Variants in SPAG16 observed in about 807,000 individuals in gnomAD.
The protein encoded by SPAG16 is sperm-associated antigen 16 protein.
Under a neutral mutation model 80.4 loss-of-function variants are expected in SPAG16, and 86 were observed. The observed-to-expected ratio is 1.07, with a 90% CI of 0.90 to 1.28. SPAG16 has a LOEUF of 1.28. Among genes scored for constraint, SPAG16 ranks in the 50% most tolerant of loss-of-function variants. The pLI is 0.00. For synonymous variants in SPAG16, 294 were observed against 265.9 expected, an observed-to-expected ratio of 1.11 and a Z score of -1.03; for missense variants, 870 against 765.3, an observed-to-expected ratio of 1.14 and a Z score of -1.61.
intron 12 of SPAG16, among the ~76,000 whole-genome samples, chr2:213,980,708 G>GTATATA (rs796912299): frequency 0.013 from 1,286 of 102,392 alleles, 33 homozygotes; most frequent in Middle Eastern, 0.02. Flanking sequence ...GTGTGTGTGT[G>GTATATA]TGTGTATATA....
intron 3 of SPAG16, among the ~76,000 whole-genome samples, chr2:213,303,361 G>A (rs984259971): frequency 6.6e-6 from 1 of 151,776 alleles, no homozygotes; most frequent in Non-Finnish European, 1.5e-5. Flanking sequence ...CAGGGTAAAT[G>A]GGGTTCTATC....
chr2:214,151,077 C>T (rs2055952265), intron 15 of SPAG16, among the ~76,000 whole-genome samples: 1 of 152,046 alleles, frequency 6.6e-6, no homozygotes, highest in Non-Finnish European at 1.5e-5. Flanking sequence ...TTCAACCTGA[C>T]CTTCCCATCC....
At chr2:213,330,858 A>C (rs573287095) in intron 5 of SPAG16, among the ~76,000 whole-genome samples, 1 of 152,172 alleles carries the variant, frequency 6.6e-6, no homozygotes, top group Non-Finnish European at 1.5e-5. Context: ...TGTGACAGCA[A>C]ATAATCCTCA....
chr2:214,317,812 C>T (rs759019300), intron 15 of SPAG16, among the ~76,000 whole-genome samples: 1 of 152,158 alleles, frequency 6.6e-6, no homozygotes, highest in South Asian at 2.1e-4. Flanking sequence ...TTCCAGTCAC[C>T]TTCCCCAGTA....
chr2:213,480,614 G>A (rs181341600), intron 9 of SPAG16, among the ~76,000 whole-genome samples: 1 of 152,186 alleles, frequency 6.6e-6, no homozygotes, highest in Non-Finnish European at 1.5e-5. Context: ...GTAAAGCATT[G>A]TCTAGCACTA....
At chr2:213,573,876 G>A (rs565348152) in intron 10 of SPAG16, among the ~76,000 whole-genome samples, 1 of 152,168 alleles carries the variant, frequency 6.6e-6, no homozygotes, top group South Asian at 2.1e-4. Flanking sequence ...TAAAGTTTAG[G>A]GCAACCTAAA....
chr2:214,053,968 A>G (rs1198553492), intron 13 of SPAG16, among the ~76,000 whole-genome samples: 2 of 152,212 alleles, frequency 1.3e-5, no homozygotes, highest in Non-Finnish European at 1.5e-5. Context: ...TAATAGGACA[A>G]TGAAATAACT....
chr2:213,630,073 C>G (rs2062090254), intron 10 of SPAG16, among the ~76,000 whole-genome samples: 1 of 152,158 alleles, frequency 6.6e-6, no homozygotes, highest in African/African-American at 2.4e-5. Flanking sequence ...ATTAAATTCC[C>G]TCTATTTTGG....
chr2:213,852,252 G>T (rs962998444), intron 10 of SPAG16, among the ~76,000 whole-genome samples: 1 of 151,994 alleles, frequency 6.6e-6, no homozygotes, highest in African/African-American at 2.4e-5. Context: ...AATAGATCTG[G>T]GTTGCTACTG....
At chr2:214,310,847 C>CCAAA (rs896063107) in intron 15 of SPAG16, among the ~76,000 whole-genome samples, 4 of 152,162 alleles carry the variant, frequency 2.6e-5, no homozygotes, top group African/African-American at 9.7e-5. Flanking sequence ...TCCCCCAACA[C>CCAAA]CAAACAGATG....
chr2:213,900,095 G>A (rs974769839), intron 11 of SPAG16, among the ~76,000 whole-genome samples: 3 of 152,080 alleles, frequency 2.0e-5, no homozygotes, highest in African/African-American at 7.2e-5. Context: ...CCTTAGACTT[G>A]AACTCAGCAT....
intron 10 of SPAG16, among the ~76,000 whole-genome samples, chr2:213,775,810 A>G (rs905200613): frequency 6.6e-6 from 1 of 152,172 alleles, no homozygotes; most frequent in Non-Finnish European, 1.5e-5. Flanking sequence ...ATTATCCTTT[A>G]CCTTAGATTT....
chr2:213,478,683 T>C (rs1337607749), intron 9 of SPAG16, among the ~76,000 whole-genome samples: 1 of 152,174 alleles, frequency 6.6e-6, no homozygotes, highest in East Asian at 1.9e-4. Flanking sequence ...ATTAATACAT[T>C]AATACATTAA....
At chr2:214,126,854 T>C (rs1285162889) in intron 14 of SPAG16, among the ~76,000 whole-genome samples, 2 of 151,854 alleles carry the variant, frequency 1.3e-5, no homozygotes, top group Admixed American at 1.3e-4. Context: ...GTTTTATTTC[T>C]CTATGGTGTA....
intron 11 of SPAG16, among the ~76,000 whole-genome samples, chr2:213,865,045 A>T (rs2075632375): frequency 6.6e-6 from 1 of 152,118 alleles, no homozygotes; most frequent in Non-Finnish European, 1.5e-5. Flanking sequence ...AATAATCAGA[A>T]TCAAAGACTT....
Position 213,370,310 on chromosome 2 carries a change from T to A in SPAG16, c.833-4700T>A, listed in dbSNP as rs551193095. 2.0e-5 allele frequency among the ~76,000 whole-genome samples: 3 copies of A among 152,340 alleles called. No homozygotes were observed. The East Asian group carries it at 5.8e-4, about 29-fold the overall frequency. ...AAAACATTTATATGGTACAAATGTA[T>A]GCCTGTTGAATATATGCAAAGAAAA... On this transcript the variant is annotated intron_variant, in intron 8 of 15. Transcript: ENST00000331683.
intron 10 of SPAG16, among the ~76,000 whole-genome samples, chr2:213,623,426 A>T (rs1371652580): frequency 6.6e-6 from 1 of 152,130 alleles, no homozygotes; most frequent in Non-Finnish European, 1.5e-5. Flanking sequence ...AATATTCATT[A>T]GTATCCACCT....
At chr2:213,846,412 C>T (rs1051488385) in intron 10 of SPAG16, among the ~76,000 whole-genome samples, 1 of 152,026 alleles carries the variant, frequency 6.6e-6, no homozygotes, top group Non-Finnish European at 1.5e-5. Flanking sequence ...TTTAACATTT[C>T]ATTGTAATGG....
intron 9 of SPAG16, among the ~76,000 whole-genome samples, chr2:213,446,874 A>G (rs544426076): frequency 1.3e-5 from 2 of 152,296 alleles, no homozygotes; most frequent in Non-Finnish European, 2.9e-5. Flanking sequence ...TAGAAACTCA[A>G]GTCTGGGCTG....
Sources: allele counts gnomAD v4.1 joint callset (sites outside exome capture counted in the v4.1 genomes callset), GRCh38; gene constraint gnomAD v4.1.1; transcripts MANE v1.5; gene names NCBI Gene and HGNC (gene_info 2026-07-23, HGNC 2026-07-21).